The following MYBPC1 variants were observed in gnomAD, a reference collection of about 807,000 sequenced individuals.
MYBPC1 encodes myosin-binding protein C, slow-type.
A neutral mutation model predicts 147.1 loss-of-function variants in MYBPC1; 52 were observed. The observed-to-expected ratio is 0.35, with a 90% CI of 0.28 to 0.45. The LOEUF is 0.45. Among genes scored for constraint, MYBPC1 ranks in the 20% least tolerant of loss-of-function variants. The pLI is 1.00. For missense variants in MYBPC1, 1,228 were observed against 1,440.3 expected (o/e 0.85, Z 2.39); for synonymous variants, 477 against 475.9 (o/e 1.00, Z -0.03).
At chr12:101,653,316 C>T (rs1195119434) in intron 18 of MYBPC1, 68 bp downstream of exon 18, 2 of 1,577,596 alleles carry the variant, frequency 1.3e-6, no homozygotes, top group Non-Finnish European at 1.7e-6. Context: ...TACCCCACCC[C>T]TTGCCCTCCA....
intron 12 of MYBPC1, among the ~76,000 whole-genome samples, chr12:101,645,922 G>A (rs1893006357): frequency 6.6e-6 from 1 of 152,158 alleles, no homozygotes; most frequent in Non-Finnish European, 1.5e-5. Context: ...ACATTCTATA[G>A]AACTGCTGCG....
At chr12:101,653,453 T>C (rs575247220) in intron 18 of MYBPC1, among the ~76,000 whole-genome samples, 1 of 152,162 alleles carries the variant, frequency 6.6e-6, no homozygotes, top group East Asian at 1.9e-4. Flanking sequence ...CTCATATTTC[T>C]GACTATTATG....
chr12:101,667,710 C>T, intron 22 of MYBPC1, 22 bp from the exon 23 acceptor site: 5 of 1,614,020 alleles, frequency 3.1e-6, no homozygotes, highest in Non-Finnish European at 3.4e-6. Context: ...TCCTTCTTTT[C>T]CTTTTCTTTT....
Position 101,666,237 on chromosome 12 carries a change from C to T in MYBPC1, c.2357-1495C>T, listed in dbSNP as rs1593999336. 1.7e-5 allele frequency: 3 copies of T among 173,488 alleles called. No homozygotes were observed. The East Asian group carries it at 4.2e-4, about 24-fold the overall frequency. The allele number at this position is 173,488 out of a possible 1,614,324, so 10.7% of individuals were successfully genotyped here. A position where few individuals can be genotyped will look rare whatever the true frequency, so the allele number is the denominator to read the frequency against. On this transcript the variant is annotated intron_variant, in intron 22 of 31. Transcript: ENST00000361466. Reference sequence around the variant, plus strand: ...TGGACCCTGGTAAAACAGGGCTGGCCTTATCCCAAGGGCCTGCACTCCCAG... The same window carrying T: ...TGGACCCTGGTAAAACAGGGCTGGCTTTATCCCAAGGGCCTGCACTCCCAG...
chr12:101,659,874 T>G (rs779346204), intron 19 of MYBPC1, 43 bp downstream of exon 19: 2 of 1,608,592 alleles, frequency 1.2e-6, no homozygotes, highest in South Asian at 2.2e-5. Context: ...CAAGCTGACA[T>G]GTCAAGATTC....
At chr12:101,693,048 T>G in the MYBPC1 span, among the ~76,000 whole-genome samples, 3 of 148,052 alleles carry the variant, frequency 2.0e-5, no homozygotes, top group Non-Finnish European at 3.0e-5. Flanking sequence ...CCAGGTTCAC[T>G]CCATTCTCCT....
chr12:101,652,976 C>G lies in MYBPC1; in HGVS notation c.1634-139C>G, dbSNP rs879171362. On this transcript the variant is annotated intron_variant, in intron 17 of 31. Transcript: ENST00000361466. ...TAAAATGGTTTTGCAAGGTGCCAGG[C>G]ACCAACTATCTTGACTCCTCTTATA... 4.0e-6 allele frequency: 5 copies of G among 1,252,870 alleles called. No individual in the cohort carries two copies. In the East Asian group the frequency reaches 1.2e-4, roughly 31 times the overall value. 77.6% of individuals were successfully genotyped at this position (1,252,870 alleles called of 1,614,324 possible).
intron 8 of MYBPC1, among the ~76,000 whole-genome samples, chr12:101,632,881 C>T (rs1360511222): frequency 6.6e-6 from 1 of 152,072 alleles, no homozygotes; most frequent in Non-Finnish European, 1.5e-5. Flanking sequence ...AGGCGTGTGC[C>T]ACCACACCTG....
intron 23 of MYBPC1, among the ~76,000 whole-genome samples, chr12:101,669,275 T>A (rs895595748): frequency 1.8e-4 from 28 of 152,296 alleles, no homozygotes; most frequent in Admixed American, 1.0e-3. Context: ...AATAGGTGAC[T>A]TTTTTGCACA....
At chr12:101,688,330 A>C (rs548955113), downstream of MYBPC1, among the ~76,000 whole-genome samples, 1 of 150,826 alleles carries the variant, frequency 6.6e-6, no homozygotes, top group East Asian at 1.9e-4. Flanking sequence ...GAGGCACAAG[A>C]ATAGCTTGAA....
At chr12:101,695,059 A>G in the MYBPC1 span, among the ~76,000 whole-genome samples, 24 of 152,314 alleles carry the variant, frequency 1.6e-4, no homozygotes, top group African/African-American at 5.3e-4. Context: ...CACATCTTCA[A>G]CTTCACCAGA....
At chr12:101,692,175 A>G in the MYBPC1 span, among the ~76,000 whole-genome samples, 1 of 152,184 alleles carries the variant, frequency 6.6e-6, no homozygotes, top group Non-Finnish European at 1.5e-5. Context: ...GGGAGGTAAG[A>G]CTAGGAAGGT....
intron 1 of MYBPC1, among the ~76,000 whole-genome samples, chr12:101,601,190 T>C (rs7964707): frequency 0.018 from 2,813 of 152,328 alleles, 85 homozygotes; most frequent in African/African-American, 0.065. Flanking sequence ...ATTTTCTACA[T>C]GTATGCAAAT....
At chr12:101,694,020 G>A in the MYBPC1 span, among the ~76,000 whole-genome samples, 3 of 152,166 alleles carry the variant, frequency 2.0e-5, no homozygotes, top group South Asian at 2.1e-4. Flanking sequence ...TCTGAAAGGC[G>A]GCAGACTAAT....
chr12:101,653,772 A>G (rs1895010145), intron 18 of MYBPC1, among the ~76,000 whole-genome samples: 1 of 152,216 alleles, frequency 6.6e-6, no homozygotes. Flanking sequence ...GAACAGAAGG[A>G]AAGCCAGCAT....
chr12:101,674,000 C>T (rs1201845194), intron 25 of MYBPC1, among the ~76,000 whole-genome samples: 2 of 152,124 alleles, frequency 1.3e-5, no homozygotes, highest in African/African-American at 4.8e-5. Flanking sequence ...TTGCAGTGAG[C>T]TGAGATCATG....
intron 4 of MYBPC1, 87 bp from the exon 5 acceptor site, chr12:101,627,682 A>G (rs1888927183): frequency 6.9e-7 from 1 of 1,447,952 alleles, no homozygotes. Flanking sequence ...GACAGGGTTT[A>G]GGGGAATCCA....
intron 15 of MYBPC1, among the ~76,000 whole-genome samples, chr12:101,649,632 A>G (rs1893982153): frequency 6.6e-6 from 1 of 152,214 alleles, no homozygotes; most frequent in Non-Finnish European, 1.5e-5. Context: ...TAGAGCGCCA[A>G]TATTAGGAAG....
chr12:101,643,124 C>T (rs953672943), intron 11 of MYBPC1, among the ~76,000 whole-genome samples: 1 of 152,152 alleles, frequency 6.6e-6, no homozygotes, highest in African/African-American at 2.4e-5. Flanking sequence ...CTCTTCGAAG[C>T]TTCCTATACT....
Sources: gnomAD v4.1 joint callset for allele counts (sites outside exome capture counted in the v4.1 genomes callset) on GRCh38, gnomAD v4.1.1 for gene constraint, MANE v1.5 for transcripts, NCBI Gene and HGNC (gene_info 2026-07-23, HGNC 2026-07-21) for gene names.